RNF212: variants seen among roughly 807,000 people sequenced by gnomAD.
The protein encoded by RNF212 is ring finger protein 212.
In RNF212, 33 loss-of-function variants were observed where a neutral mutation model predicts 34.7. That is an observed-to-expected ratio of 0.95 (90% CI 0.72 to 1.27). The LOEUF (loss-of-function observed/expected upper bound fraction) is 1.27. Ranked by LOEUF, RNF212 falls within the 50% of genes most tolerant of loss-of-function variation. The pLI is 0.00. For missense variants in RNF212, 377 were observed against 362.2 expected, an observed-to-expected ratio of 1.04 and a Z score of -0.33; for synonymous variants, 140 against 136.1, an observed-to-expected ratio of 1.03 and a Z score of -0.20.
At chr4:1,062,616 G>C (rs1332505534) in intron 3 of RNF212, among the ~76,000 whole-genome samples, 1 of 152,154 alleles carries the variant, frequency 6.6e-6, no homozygotes, top group Non-Finnish European at 1.5e-5. Flanking sequence ...TGTTCTTGCC[G>C]CTTGTATTCA....
At chr4:1,104,095 T>G (rs141760100) in intron 2 of RNF212, among the ~76,000 whole-genome samples, 50 of 152,340 alleles carry the variant, frequency 3.3e-4, no homozygotes, top group Middle Eastern at 6.8e-3. Flanking sequence ...GAAAAATTGT[T>G]TAAAACTACA....
chr4:1,085,438 G>A (rs1230945720), intron 5 of RNF212, among the ~76,000 whole-genome samples: 1 of 152,218 alleles, frequency 6.6e-6, no homozygotes, highest in Non-Finnish European at 1.5e-5. Flanking sequence ...TTCCTAAGAT[G>A]CAACACCCAT....
At chr4:1,092,392 G>C (rs1722327023) in intron 3 of RNF212, among the ~76,000 whole-genome samples, 1 of 152,160 alleles carries the variant, frequency 6.6e-6, no homozygotes, top group Non-Finnish European at 1.5e-5. Flanking sequence ...CCTCACATGA[G>C]CTTGGGGGGC....
In RNF212 at chr4:1,085,826, G is replaced by C. The variant is rs899277238; in HGVS notation, c.362+70C>G. On this transcript the variant is annotated intron_variant, in intron 5 of 9. Coordinates refer to ENST00000433731, the MANE Select transcript of RNF212 (RefSeq NM_001131034.4). ...GTCATCTTTCATTCTTGATCTTGGA[G>C]AGCCAGACGACCAATGCACATGGCA... The C allele has an allele frequency of 7.9e-6, 8 of 1,012,646 alleles. No homozygotes were observed. In the African/African-American group the frequency reaches 1.1e-4, roughly 14 times the overall value. 62.7% of individuals were successfully genotyped at this position (1,012,646 alleles called of 1,614,324 possible). A position where few individuals can be genotyped will look rare whatever the true frequency, so the allele number is the denominator to read the frequency against.
At position 1,096,821 on chromosome 4, in the gene RNF212, CCTGGATAT is replaced by C; in HGVS notation, c.182_189del (p.Asp61GlyfsTer11). 1 of 1,612,602 alleles carries C rather than the reference CCTGGATAT, an allele frequency of 6.2e-7. No individual in the cohort carries two copies. Among genetic ancestry groups the C allele is most frequent in the Non-Finnish European group, 8.5e-7 (1 of 1,178,564 alleles). On this transcript the variant is annotated frameshift_variant, in exon 3 of 10. Transcript: ENST00000433731. LOFTEE classifies it high-confidence loss of function. ...AGACTGTCTATGCTCATGAAGAATG[CCTGGATAT>C]CTGCGTCGGTCTGAAAGAGAAAGAA...
chr4:1,064,341 C>A (rs1448957927), intron 3 of RNF212, among the ~76,000 whole-genome samples: 1 of 152,202 alleles, frequency 6.6e-6, no homozygotes, highest in Non-Finnish European at 1.5e-5. Context: ...GTTCAAGATG[C>A]ATGTTGTAAT....
chr4:1,093,440 C>A, intron 3 of RNF212: 1 of 1,434,654 alleles, frequency 7.0e-7, no homozygotes, highest in South Asian at 1.5e-5. Context: ...CACCTCACGT[C>A]ACACAGCTGC....
intron 8 of RNF212, among the ~76,000 whole-genome samples, chr4:1,077,190 T>C (rs1719452273): frequency 6.6e-6 from 1 of 152,170 alleles, no homozygotes; most frequent in Non-Finnish European, 1.5e-5. Flanking sequence ...ATCTCGCCAC[T>C]GCACTCCAGC....
At chr4:1,080,202 C>T (rs1720103807) in intron 7 of RNF212, among the ~76,000 whole-genome samples, 1 of 152,200 alleles carries the variant, frequency 6.6e-6, no homozygotes, top group African/African-American at 2.4e-5. Context: ...CCCCTCCTAG[C>T]CCTGCCATCC....
chr4:1,103,604 A>C (rs1724364082), intron 2 of RNF212, among the ~76,000 whole-genome samples: 1 of 119,130 alleles, frequency 8.4e-6, no homozygotes. Flanking sequence ...TCTAAAAATA[A>C]ATGCAACTCA....
rs536236620 is a variant in RNF212 at position 1,092,766 on chromosome 4, G to A, written c.247-1928C>T. Among the ~76,000 whole-genome samples the A allele has an allele frequency of 2.2e-3, 342 of 152,352 alleles. 1 individual carries two copies. Among genetic ancestry groups the A allele is most frequent in the African/African-American group, 7.7e-3 (321 of 41,582 alleles). Reference sequence around the variant, plus strand: ...CAAGGAAGAGCTGCCCGGTGCTCACGCGTGCTTTGCCCGCATCCTGCGAAC... The same window carrying A: ...CAAGGAAGAGCTGCCCGGTGCTCACACGTGCTTTGCCCGCATCCTGCGAAC... On this transcript the variant is annotated intron_variant, in intron 3 of 9. Transcript: ENST00000433731.
chr4:1,081,759 A>G lies in RNF212; in HGVS notation c.363-140T>C, dbSNP rs1475790613. 4.5e-6 allele frequency: 3 copies of G among 660,602 alleles called. No individual in the cohort carries two copies. In the East Asian group the frequency reaches 8.1e-5, roughly 18 times the overall value. 40.9% of individuals were successfully genotyped at this position (660,602 alleles called of 1,614,324 possible). A position where few individuals can be genotyped will look rare whatever the true frequency, so the allele number is the denominator to read the frequency against. ...TGCAAACGGCATTTCACATGAATTC[A>G]GCAGTTCCCATAGCGTCCTGTGAGT... On this transcript the variant is annotated intron_variant, in intron 5 of 9. Transcript: ENST00000433731.
chr4:1,059,194 G>A (rs1717570430), intron 3 of RNF212, among the ~76,000 whole-genome samples: 1 of 152,164 alleles, frequency 6.6e-6, no homozygotes, highest in African/African-American at 2.4e-5. Context: ...CCGAGCACAA[G>A]GCAGCCTCCG....
intron 2 of RNF212, among the ~76,000 whole-genome samples, chr4:1,097,891 C>T (rs1413924935): frequency 4.6e-5 from 7 of 152,086 alleles, no homozygotes; most frequent in African/African-American, 1.7e-4. Context: ...ATGGTGAAAC[C>T]CCATCTCTAT....
At chr4:1,070,039 C>T (rs11726968), downstream of RNF212, among the ~76,000 whole-genome samples, 24,772 of 127,540 alleles carry the variant, frequency 0.19, 3,307 homozygotes, top group African/African-American at 0.41. Context: ...CAGGTGGTTT[C>T]GTAGGACTAT....
At chr4:1,087,252 G>A (rs185318226) in intron 4 of RNF212, among the ~76,000 whole-genome samples, 9 of 1,844 alleles carry the variant, frequency 4.9e-3, no homozygotes, top group South Asian at 0.028. Flanking sequence ...GAGAGAGGAC[G>A]GGGTAGGGGA....
intron 2 of RNF212, among the ~76,000 whole-genome samples, chr4:1,106,168 C>A (rs1160983394): frequency 6.6e-6 from 1 of 151,654 alleles, no homozygotes; most frequent in African/African-American, 2.4e-5. Context: ...GAAGACACTG[C>A]GGAAGAAAGA....
At chr4:1,111,051 G>A (rs866602699) in intron 1 of RNF212, among the ~76,000 whole-genome samples, 10 of 152,136 alleles carry the variant, frequency 6.6e-5, no homozygotes, top group Non-Finnish European at 1.3e-4. Context: ...GAAGGCACAC[G>A]CGTCTCCATC....
intron 3 of RNF212, among the ~76,000 whole-genome samples, chr4:1,092,218 T>C (rs1477286853): frequency 6.6e-6 from 1 of 152,226 alleles, no homozygotes; most frequent in African/African-American, 2.4e-5. Context: ...GTGCCTGGTC[T>C]GGCTGTTCTT....
Sources: gnomAD v4.1 joint callset for allele counts (sites outside exome capture counted in the v4.1 genomes callset) on GRCh38, gnomAD v4.1.1 for gene constraint, MANE v1.5 for transcripts, NCBI Gene and HGNC (gene_info 2026-07-23, HGNC 2026-07-21) for gene names.